Variants in MRC1 observed in about 807,000 individuals in gnomAD.
MRC1 encodes the protein macrophage mannose receptor 1.
A neutral mutation model predicts 102.9 loss-of-function variants in MRC1; 62 were observed. The observed-to-expected ratio is 0.60, with a 90% confidence interval of 0.49 to 0.74. The LOEUF is 0.74. Among genes scored for constraint, MRC1 ranks in the 30% least tolerant of loss-of-function variants. The pLI is 0.00. For missense variants in MRC1, 1,237 were observed against 862.8 expected (o/e 1.43, Z -5.43); for synonymous variants, 457 against 298.4 (o/e 1.53, Z -5.48).
intron 9 of MRC1, among the ~76,000 whole-genome samples, chr10:17,860,190 G>A (rs988307844): frequency 7.2e-5 from 11 of 151,854 alleles, no homozygotes; most frequent in African/African-American, 2.7e-4. Context: ...TACTAAATTC[G>A]GGTACCTGGA....
At chr10:17,824,053 C>T (rs1021687571) in intron 2 of MRC1, among the ~76,000 whole-genome samples, 29 of 152,266 alleles carry the variant, frequency 1.9e-4, no homozygotes, top group African/African-American at 6.0e-4. Context: ...AATTAATATG[C>T]AGTCTATTTA....
intron 2 of MRC1, among the ~76,000 whole-genome samples, chr10:17,826,619 T>C (rs972297718): frequency 1.3e-5 from 2 of 152,242 alleles, no homozygotes; most frequent in African/African-American, 4.8e-5. Context: ...TCTACAAAGA[T>C]GGAGACTTTA....
At position 17,905,451 on chromosome 10, in the gene MRC1, A is replaced by T. The variant is rs1165005625; in HGVS notation, c.3800-1435A>T. On this transcript the variant is annotated intron_variant, in intron 26 of 29. Transcript: ENST00000569591. Reference sequence around the variant, plus strand: ...AAGAACTTATTCTGCATTTCTCATGATGTCACCTGATGCCTTGTTTGAACT... The same window carrying T: ...AAGAACTTATTCTGCATTTCTCATGTTGTCACCTGATGCCTTGTTTGAACT... Among the ~76,000 whole-genome samples the T allele has an allele frequency of 5.9e-5, 9 of 152,248 alleles. No individual in the cohort carries two copies. The East Asian group carries it at 1.7e-3, about 29-fold the overall frequency.
intron 26 of MRC1, among the ~76,000 whole-genome samples, chr10:17,904,207 C>A (rs1312242328): frequency 6.6e-6 from 1 of 152,110 alleles, no homozygotes; most frequent in Admixed American, 6.5e-5. Flanking sequence ...TATATTTACC[C>A]TTGTAGTTTC....
chr10:17,860,531 G>A (rs921581921), intron 9 of MRC1, among the ~76,000 whole-genome samples: 3 of 152,252 alleles, frequency 2.0e-5, no homozygotes, highest in Admixed American at 6.5e-5. Context: ...TCCCAACTTC[G>A]ACTCCCAAAG....
chr10:17,893,137 T>TTCCCTCCC (rs1206626651), intron 22 of MRC1, among the ~76,000 whole-genome samples: 5 of 151,642 alleles, frequency 3.3e-5, no homozygotes, highest in Admixed American at 6.6e-5. Context: ...CAGCCCTTCC[T>TTCCCTCCC]TCCCTCCCTC....
rs1206214946 is a variant in MRC1, at chr10:17,846,068, C to A, written c.1063+633C>A. Among the ~76,000 whole-genome samples the A allele has an allele frequency of 2.0e-5, 3 of 152,168 alleles. No homozygotes were observed. In the East Asian group the frequency reaches 5.8e-4, roughly 29 times the overall value. ...GATTACAGATGTGTGCCATCACGCCCAGCTAATTTTTGTATTTTTAGCAGA... is the reference window on the plus strand; with the variant it reads ...GATTACAGATGTGTGCCATCACGCCAAGCTAATTTTTGTATTTTTAGCAGA... On this transcript the variant is annotated intron_variant, in intron 6 of 29. Transcript: ENST00000569591.
At chr10:17,906,812 G>C in intron 26 of MRC1, 74 bp from the exon 27 acceptor site, 1 of 780,128 alleles carries the variant, frequency 1.3e-6, no homozygotes, top group Non-Finnish European at 2.4e-6. Flanking sequence ...GCTCTCAATA[G>C]CAGTGCTGTT....
intron 11 of MRC1, among the ~76,000 whole-genome samples, chr10:17,863,999 T>C (rs1833225195): frequency 2.6e-5 from 4 of 152,046 alleles, no homozygotes; most frequent in Admixed American, 2.6e-4. Context: ...AATGGTTGAC[T>C]CTTTCTTTCT....
intron 6 of MRC1, among the ~76,000 whole-genome samples, chr10:17,849,156 C>T (rs1315034293): frequency 1.3e-5 from 2 of 149,362 alleles, no homozygotes; most frequent in African/African-American, 2.4e-5. Flanking sequence ...TTTCCCATAG[C>T]CAAGTACAGT....
At chr10:17,853,906 G>A (rs1833033331) in intron 8 of MRC1, among the ~76,000 whole-genome samples, 1 of 152,130 alleles carries the variant, frequency 6.6e-6, no homozygotes, top group Non-Finnish European at 1.5e-5. Flanking sequence ...TGCAAAATGG[G>A]AATAAGAGCT....
At chr10:17,846,366 G>T (rs1347892878) in intron 6 of MRC1, among the ~76,000 whole-genome samples, 1 of 152,072 alleles carries the variant, frequency 6.6e-6, no homozygotes, top group African/African-American at 2.4e-5. Context: ...CCTCTTTTTG[G>T]AGGGACAGCG....
At chr10:17,861,735 A>G (rs1833187058) in intron 10 of MRC1, among the ~76,000 whole-genome samples, 1 of 152,236 alleles carries the variant, frequency 6.6e-6, no homozygotes, top group African/African-American at 2.4e-5. Flanking sequence ...TTTATAAATA[A>G]TAATCTAGTA....
rs918459834 is a variant in MRC1, at chr10:17,812,890, C to G, written c.61+3364C>G. On this transcript the variant is annotated intron_variant, in intron 1 of 29. Transcript: ENST00000569591. ...CTGGCCAACAATAGGCTCTTGCTAG[C>G]TGCTGCTATTGGTCCCAGGGCAATA... is the stretch of plus-strand genomic sequence containing the variant. Among the ~76,000 whole-genome samples, 381 of 152,196 alleles carry G rather than the reference C, an allele frequency of 2.5e-3. 1 individual carries two copies. The highest frequency in any genetic ancestry group is 8.0e-3 in the African/African-American group (332 of 41,534).
At chr10:17,851,355 A>G (rs1838913784) in intron 7 of MRC1, among the ~76,000 whole-genome samples, 1 of 152,078 alleles carries the variant, frequency 6.6e-6, no homozygotes, top group Non-Finnish European at 1.5e-5. Context: ...AGTTAAAATT[A>G]TTGTTTCTAA....
At position 17,823,402 on chromosome 10, in the gene MRC1, C is replaced by T. The variant is rs1554838423; in HGVS notation, c.390C>T (p.Tyr130=). Residue 130 remains tyrosine (Y), a synonymous_variant, in exon 2 of 30, where the codon TAC becomes TAT. Transcript: ENST00000569591. ...GACAAGAAAAGAATATTATGCTCTA[C>T]AAGGGATCGGGTTTATGGAGCAGGT... ...GNRQEKNIML[Y]KGSGLWSRWK... is the part of the protein sequence containing the mutation. 1.3e-6 allele frequency: 1 copy of T among 780,800 alleles called. No homozygotes were observed. The highest frequency in any genetic ancestry group is 2.4e-6 in the Non-Finnish European group (1 of 417,944). 48.4% of individuals were successfully genotyped at this position (780,800 alleles called of 1,614,324 possible).
chr10:17,826,015 A>C (rs1589165797), intron 2 of MRC1, among the ~76,000 whole-genome samples: 1 of 152,164 alleles, frequency 6.6e-6, no homozygotes, highest in African/African-American at 2.4e-5. Flanking sequence ...TTTTGACAAA[A>C]AAGGAATTTT....
At chr10:17,815,859 C>T (rs1267044244) in intron 1 of MRC1, among the ~76,000 whole-genome samples, 1 of 149,998 alleles carries the variant, frequency 6.7e-6, no homozygotes, top group Non-Finnish European at 1.5e-5. Context: ...TGGTGTCTCA[C>T]TCTGTCGCCC....
At position 17,872,092 on chromosome 10, in the gene MRC1, A is replaced by G; in HGVS notation, c.2310A>G (p.Glu770=). ...PTMSWNDINC[E]HLNNWICQIQ... is the part of the protein sequence containing the mutation. ...TGTCTTGGAATGATATTAATTGTGA[A>G]CACCTTAACAACTGGATTTGCCAGA... Residue 770 remains glutamate (E), a synonymous_variant, in exon 15 of 30, where the codon GAA becomes GAG. Transcript: ENST00000569591. 1 of 780,674 alleles carries G rather than the reference A, an allele frequency of 1.3e-6. No homozygotes were observed. The highest frequency in any genetic ancestry group is 1.7e-5 in the Admixed American group (1 of 59,018). The allele number at this position is 780,674 out of a possible 1,614,324, so 48.4% of individuals were successfully genotyped here. A position where few individuals can be genotyped will look rare whatever the true frequency, so the allele number is the denominator to read the frequency against.
Sources: gnomAD v4.1 joint callset for allele counts (sites outside exome capture counted in the v4.1 genomes callset) on GRCh38, gnomAD v4.1.1 for gene constraint, MANE v1.5 for transcripts, NCBI Gene and HGNC (gene_info 2026-07-23, HGNC 2026-07-21) for gene names.